C12orf57: variants seen among roughly 807,000 people sequenced by gnomAD.
The protein encoded by C12orf57 is chromosome 12 open reading frame 57.
Under a neutral mutation model 11.3 loss-of-function variants are expected in C12orf57, and 14 were observed. The ratio of observed to expected loss-of-function variants is 1.24; its 90% CI spans 0.82 to 1.94. The LOEUF is 1.94. C12orf57 is among the 30% of genes most tolerant of loss of function. The pLI, the probability that C12orf57 is intolerant of heterozygous loss-of-function variation, is 0.00. For missense variants in C12orf57, 229 were observed against 172.4 expected (o/e 1.33, Z -1.84); for synonymous variants, 100 against 74.6 (o/e 1.34, Z -1.76).
chr12:6,946,003 G>A, downstream of C12orf57: 4 of 1,501,642 alleles, frequency 2.7e-6, no homozygotes, highest in South Asian at 3.6e-5. Flanking sequence ...CTGTGACTTA[G>A]CCTTGGTGTC....
At chr12:6,945,666 C>G in intron 2 of C12orf57, 105 bp from the exon 3 acceptor site, 1 of 1,266,436 alleles carries the variant, frequency 7.9e-7, no homozygotes, top group Non-Finnish European at 1.1e-6. Flanking sequence ...CAAACAGCTG[C>G]CCAGCCAGTG....
chr12:6,945,872 A>G lies in C12orf57; in HGVS notation c.331A>G (p.Thr111Ala), dbSNP rs782398850. 10 of 1,613,356 alleles carry G rather than the reference A, an allele frequency of 6.2e-6. No homozygotes were observed. The highest frequency in any genetic ancestry group is 8.5e-6 in the Non-Finnish European group (10 of 1,179,834). ...GAAGGCGCTGTTTCTGCCGCCCATGACCCTGCCACCCCATGGGCCTGCTGC... is the reference window on the plus strand; with the variant it reads ...GAAGGCGCTGTTTCTGCCGCCCATGGCCCTGCCACCCCATGGGCCTGCTGC... ...KLKALFLPPM[T>A]LPPHGPAAGG... The change falls in exon 3 of 3, where the codon ACC (threonine) becomes GCC (alanine). Residue 111 changes from threonine (T) to alanine (A), a missense_variant. Thr to Ala is a moderately conservative substitution (Grantham distance 58). Coordinates refer to ENST00000229281, the MANE Select transcript of C12orf57 (RefSeq NM_138425.4).
chr12:6,943,728 A>G (rs928313721), upstream of C12orf57: 4 of 1,246,998 alleles, frequency 3.2e-6, no homozygotes, highest in Non-Finnish European at 4.1e-6. Flanking sequence ...TTATACAGTA[A>G]TAGGAACAAG....
At chr12:6,943,954 A>AGTTGT, upstream of C12orf57, 2 of 1,494,330 alleles carry the variant, frequency 1.3e-6, no homozygotes, top group Non-Finnish European at 1.8e-6. Flanking sequence ...GTCTTGATGC[A>AGTTGT]GTTGTAAGCT....
chr12:6,944,872 G>A (rs1421146623), intron 2 of C12orf57: 1 of 1,409,910 alleles, frequency 7.1e-7, no homozygotes, highest in Non-Finnish European at 9.2e-7. Flanking sequence ...TCCCTTACCC[G>A]AAATGGTTGG....
rs782658568 is a variant in C12orf57, at chr12:6,945,963, C to T, written c.*41C>T. On this transcript the variant is annotated 3_prime_UTR_variant, in exon 3 of 3. Coordinates refer to ENST00000229281, the MANE Select transcript of C12orf57 (RefSeq NM_138425.4). ...TGTGCCACTGCCAGGGGAGGAAAGG[C>T]CTTGATGTTCCAGACAATAATAAAT... The T allele has an allele frequency of 1.6e-5, 26 of 1,586,022 alleles. No homozygotes were observed. Among genetic ancestry groups the T allele is most frequent in the Non-Finnish European group, 2.1e-5 (25 of 1,170,188 alleles).
chr12:6,944,747 C>T (rs781856045), intron 2 of C12orf57, 95 bp downstream of exon 2: 3 of 1,573,430 alleles, frequency 1.9e-6, no homozygotes, highest in African/African-American at 1.3e-5. Flanking sequence ...CGGTTGTCCC[C>T]TTTCTCGCCA....
intron 2 of C12orf57, among the ~76,000 whole-genome samples, chr12:6,945,342 G>C (rs1555146362): frequency 1.3e-5 from 2 of 152,174 alleles, no homozygotes; most frequent in African/African-American, 4.8e-5. Context: ...AGTCTCTCCA[G>C]GGTGTTTCAG....
chr12:6,943,936 T>C (rs782644110), upstream of C12orf57: 118 of 1,390,672 alleles, frequency 8.5e-5, 1 homozygote, highest in Non-Finnish European at 1.1e-4. Context: ...TTATGGGTAG[T>C]TTTGGTGGTC....
upstream of C12orf57, chr12:6,943,550 G>A: frequency 1.6e-6 from 2 of 1,289,062 alleles, no homozygotes; most frequent in Non-Finnish European, 1.0e-6. Flanking sequence ...AGGTCTCCGG[G>A]CTTAACAACA....
chr12:6,945,700 A>C, intron 2 of C12orf57, 71 bp from the exon 3 acceptor site: 1 of 1,521,600 alleles, frequency 6.6e-7, no homozygotes, highest in Non-Finnish European at 9.0e-7. Flanking sequence ...TGCTTAGACT[A>C]CCACCCCCTC....
Position 6,944,415 on chromosome 12 carries a change from C to T in C12orf57, c.53-61C>T, listed in dbSNP as rs928987956. On this transcript the variant is annotated intron_variant, in intron 1 of 2. Coordinates refer to ENST00000229281, the MANE Select transcript of C12orf57 (RefSeq NM_138425.4). The stretch of plus-strand genomic sequence containing the variant: ...CTAATTCCTTGCGCTCTCCGCTGGG[C>T]CCGCTGTCTGTTCTCCGACGCCTAC... 5.1e-6 allele frequency: 8 copies of T among 1,578,712 alleles called. No individual in the cohort carries two copies. In the Admixed American group the frequency reaches 5.5e-5, roughly 11 times the overall value.
chr12:6,943,753 A>C (rs868975306), upstream of C12orf57: 9 of 1,152,270 alleles, frequency 7.8e-6, no homozygotes, highest in Middle Eastern at 1.8e-3. Flanking sequence ...AAGTCACCTA[A>C]GCTCACCCTC....
intron 1 of C12orf57, 66 bp downstream of exon 1, chr12:6,944,239 C>A (rs898802403): frequency 1.9e-6 from 3 of 1,612,718 alleles, no homozygotes; most frequent in African/African-American, 1.3e-5. Flanking sequence ...GGCTGCTGGT[C>A]TGGGGAGGAT....
At chr12:6,944,224 G>T in intron 1 of C12orf57, 51 bp downstream of exon 1, 2 of 1,613,792 alleles carry the variant, frequency 1.2e-6, no homozygotes, top group Non-Finnish European at 1.7e-6. Flanking sequence ...GGTAGTCAAG[G>T]CATGGGCTGC....
At chr12:6,943,842 T>G, upstream of C12orf57, 11 of 884,862 alleles carry the variant, frequency 1.2e-5, no homozygotes, top group East Asian at 6.7e-5. Flanking sequence ...TTAGAATTTG[T>G]CTAGTAGGCT....
chr12:6,944,040 C>A lies in C12orf57; in HGVS notation c.-82C>A, dbSNP rs782755137. 14 of 1,610,756 alleles carry A rather than the reference C, an allele frequency of 8.7e-6. No homozygotes were observed. Among genetic ancestry groups the A allele is most frequent in the African/African-American group, 1.3e-5 (1 of 74,884 alleles). On this transcript the variant is annotated 5_prime_UTR_variant, in exon 1 of 3. Transcript: ENST00000229281. ...GCTGTTTCCTTTCCGCTCCCAGGGG[C>A]GTTGGGAACGGTTGTAGGACGTGGC...
chr12:6,945,627 G>GGACAGAGGCCTGCAT (rs1945785008), intron 2 of C12orf57, 144 bp from the exon 3 acceptor site: 1 of 823,546 alleles, frequency 1.2e-6, no homozygotes, highest in African/African-American at 1.7e-5. Context: ...AAACCACACG[G>GGACAGAGGCCTGCAT]GACAGAGGCC....
At chr12:6,943,948 T>A (rs142663826), upstream of C12orf57, 279 of 1,471,288 alleles carry the variant, frequency 1.9e-4, no homozygotes, top group Non-Finnish European at 2.3e-4. Flanking sequence ...TTGGTGGTCT[T>A]GATGCAGTTG....
Sources: allele counts gnomAD v4.1 joint callset (sites outside exome capture counted in the v4.1 genomes callset), GRCh38; gene constraint gnomAD v4.1.1; transcripts MANE v1.5; gene names NCBI Gene and HGNC (gene_info 2026-07-23, HGNC 2026-07-21).